Variants in KDM1B observed in about 807,000 individuals in gnomAD.
KDM1B encodes the protein lysine-specific histone demethylase 2.
KDM1B carries 63 observed loss-of-function variants against 107.4 expected under a neutral mutation model. The ratio of observed to expected loss-of-function variants is 0.59; its 90% CI spans 0.48 to 0.72. The LOEUF is 0.72. KDM1B is among the 30% of genes least tolerant of loss of function. The pLI, the probability that KDM1B is intolerant of heterozygous loss-of-function variation, is 0.00. For synonymous variants in KDM1B, 363 were observed against 363.9 expected (o/e 1.00, Z 0.03); for missense variants, 749 against 1,020.8 (o/e 0.73, Z 3.63).
In KDM1B at chr6:18,205,872, G is replaced by A. The variant is rs1788330580; in HGVS notation, c.1659+208G>A. On this transcript the variant is annotated intron_variant, in intron 15 of 21. Transcript: ENST00000650836. The surrounding 1 kb of genome is among the most constrained non-coding windows in gnomAD (Gnocchi z 5.7). ...CCAGGCCTGGTGGCGCATACCTGTA[G>A]TCCCAGCTACTCGGGAGGCTGAGGC... Among the ~76,000 whole-genome samples the A allele has an allele frequency of 6.6e-6, 1 of 152,100 alleles. No individual in the cohort carries two copies. The highest frequency in any genetic ancestry group is 1.5e-5 in the Non-Finnish European group (1 of 68,014).
chr6:18,165,115 T>G (rs1331179509), intron 5 of KDM1B, among the ~76,000 whole-genome samples: 1 of 147,740 alleles, frequency 6.8e-6, no homozygotes, highest in Non-Finnish European at 1.5e-5. Context: ...TTCCCCTTCC[T>G]CTGCCTTCTC....
In KDM1B at chr6:18,159,766, T is replaced by C. The variant is rs1784849699; in HGVS notation, c.-13-117T>C. The stretch of plus-strand genomic sequence containing the variant: ...AAAGAAAAGAAAGAAAACTGTAGCT[T>C]TGTATTTAGGCAATCTGACATACAT... On this transcript the variant is annotated intron_variant, in intron 2 of 21. Transcript: ENST00000650836. The surrounding 1 kb of genome is among the most constrained non-coding windows in gnomAD (Gnocchi z 4.5). The C allele has an allele frequency of 1.6e-6, 1 of 629,654 alleles. No homozygotes were observed. Among genetic ancestry groups the C allele is most frequent in the African/African-American group, 1.9e-5 (1 of 52,364 alleles). 39.0% of individuals were successfully genotyped at this position (629,654 alleles called of 1,614,324 possible).
At position 18,159,473 on chromosome 6, in the gene KDM1B, A is replaced by G. The variant is rs1784835141; in HGVS notation, c.-13-410A>G. 6.6e-6 allele frequency among the ~76,000 whole-genome samples: 1 copy of G among 152,250 alleles called. No homozygotes were observed. The highest frequency in any genetic ancestry group is 1.5e-5 in the Non-Finnish European group (1 of 68,046). The stretch of plus-strand genomic sequence containing the variant: ...GCATAACTACTAATAGGTAATGTTT[A>G]TTGAGTACTTACGATATGCCAGTTT... On this transcript the variant is annotated intron_variant, in intron 2 of 21. Coordinates refer to ENST00000650836, the MANE Select transcript of KDM1B (RefSeq NM_001364614.2). This position sits in a 1 kb window ranked among gnomAD's most constrained non-coding sequence, Gnocchi z 4.5.
rs1399836979 is a variant in KDM1B, at chr6:18,211,537, T to G, written c.1867-951T>G. 1 of 152,242 alleles carries G rather than the reference T, an allele frequency of 6.6e-6. No individual in the cohort carries two copies. Among genetic ancestry groups the G allele is most frequent in the Non-Finnish European group, 1.5e-5 (1 of 68,070 alleles). The allele number at this position is 152,242 out of a possible 1,614,324, so 9.4% of individuals were successfully genotyped here. On this transcript the variant is annotated intron_variant, in intron 17 of 21. Coordinates refer to ENST00000650836, the MANE Select transcript of KDM1B (RefSeq NM_001364614.2). The surrounding 1 kb of genome is among the most constrained non-coding windows in gnomAD (Gnocchi z 5.2). The stretch of plus-strand genomic sequence containing the variant: ...CTTCTGCAGCAGGGTTCGTGAAAGT[T>G]GCAGGGTTTAGTCAGTAACCACAAG...
At chr6:18,174,756 C>T (rs1785884780) in intron 7 of KDM1B, among the ~76,000 whole-genome samples, 1 of 152,174 alleles carries the variant, frequency 6.6e-6, no homozygotes, top group South Asian at 2.1e-4. Context: ...ATAATAGTCT[C>T]CTATCTCATC....
intron 7 of KDM1B, among the ~76,000 whole-genome samples, chr6:18,179,887 A>G (rs150828693): frequency 0.041 from 4,257 of 104,712 alleles, 85 homozygotes; most frequent in Middle Eastern, 0.12. Flanking sequence ...TTCATAAGGC[A>G]GGGTCTCACT....
At position 18,215,057 on chromosome 6, in the gene KDM1B, C is replaced by A; in HGVS notation, c.2160C>A (p.Ser720=). 2 of 1,614,058 alleles carry A rather than the reference C, an allele frequency of 1.2e-6. No individual in the cohort carries two copies. Among genetic ancestry groups the A allele is most frequent in the Non-Finnish European group, 1.7e-6 (2 of 1,179,998 alleles). ...MSVIAGEAVA[S]VRTLDDKQVL... is the part of the protein sequence containing the mutation. ...TGATTGCCGGGGAGGCTGTCGCATC[C>A]GTGAGGACCCTGGATGACAAACAGG... is the stretch of plus-strand genomic sequence containing the variant. Residue 720 remains serine, a synonymous_variant, in exon 20 of 22, where the codon TCC becomes TCA. Transcript: ENST00000650836.
At chr6:18,217,041 T>C (rs1262973671) in intron 20 of KDM1B, among the ~76,000 whole-genome samples, 1 of 152,164 alleles carries the variant, frequency 6.6e-6, no homozygotes, top group Non-Finnish European at 1.5e-5. Context: ...CAACCTGTGA[T>C]CCTGAGACTC....
chr6:18,180,016 A>G (rs1039159486), intron 7 of KDM1B, among the ~76,000 whole-genome samples: 3 of 148,208 alleles, frequency 2.0e-5, no homozygotes, highest in Non-Finnish European at 4.5e-5. Context: ...GGTGTGTGCC[A>G]CTGTGCTTCA....
Position 18,191,908 on chromosome 6 carries a change from C to G in KDM1B, c.969+527C>G, listed in dbSNP as rs1034747615. Among the ~76,000 whole-genome samples the G allele has an allele frequency of 6.6e-6, 1 of 151,866 alleles. No individual in the cohort carries two copies. Among genetic ancestry groups the G allele is most frequent in the Non-Finnish European group, 1.5e-5 (1 of 68,022 alleles). ...CATGTTAGGGCTGTCACACTGTACC[C>G]ACCTTGAAAAAGGTGAAAATAAATT... On this transcript the variant is annotated intron_variant, in intron 10 of 21. Transcript: ENST00000650836. This position sits in a 1 kb window ranked among gnomAD's most constrained non-coding sequence, Gnocchi z 5.1.
At position 18,203,990 on chromosome 6, in the gene KDM1B, G is replaced by T. The variant is rs1038802108; in HGVS notation, c.1532-1547G>T. On this transcript the variant is annotated intron_variant, in intron 14 of 21. Transcript: ENST00000650836. This position sits in a 1 kb window ranked among gnomAD's most constrained non-coding sequence, Gnocchi z 5.5. Reference sequence around the variant, plus strand: ...ACTGCACAGCAGGAAGCGGGGATGGGACTTCTACAAAAGTCACAGAAAGTG... The same window carrying T: ...ACTGCACAGCAGGAAGCGGGGATGGTACTTCTACAAAAGTCACAGAAAGTG... Among the ~76,000 whole-genome samples the T allele has an allele frequency of 2.0e-5, 3 of 152,130 alleles. No individual in the cohort carries two copies. The highest frequency in any genetic ancestry group is 4.4e-5 in the Non-Finnish European group (3 of 68,024).
chr6:18,157,510 G>T (rs971273660), intron 2 of KDM1B, among the ~76,000 whole-genome samples: 2 of 152,076 alleles, frequency 1.3e-5, no homozygotes, highest in African/African-American at 4.8e-5. Flanking sequence ...GTCAAATGTT[G>T]CATGAACCTA....
rs1789099991 is a variant in KDM1B at position 18,214,858 on chromosome 6, C to T, written c.2110-149C>T. The T allele has an allele frequency of 3.1e-6, 2 of 638,090 alleles. No homozygotes were observed. Among genetic ancestry groups the T allele is most frequent in the Non-Finnish European group, 2.5e-6 (1 of 399,806 alleles). The allele number at this position is 638,090 out of a possible 1,614,324, so 39.5% of individuals were successfully genotyped here. A position where few individuals can be genotyped will look rare whatever the true frequency, so the allele number is the denominator to read the frequency against. Reference sequence around the variant, plus strand: ...CTGGGAGGCAGAGGTTGCAGTGAGCCAAGATTGCACCATTGCACTCCAGCC... The same window carrying T: ...CTGGGAGGCAGAGGTTGCAGTGAGCTAAGATTGCACCATTGCACTCCAGCC... On this transcript the variant is annotated intron_variant, in intron 19 of 21. Coordinates refer to ENST00000650836, the MANE Select transcript of KDM1B (RefSeq NM_001364614.2). The surrounding 1 kb of genome is among the most constrained non-coding windows in gnomAD (Gnocchi z 4.4).
At position 18,187,952 on chromosome 6, in the gene KDM1B, A is replaced by G. The variant is rs1354633837; in HGVS notation, c.734A>G (p.Asn245Ser). 6.4e-6 allele frequency: 10 copies of G among 1,550,422 alleles called. No homozygotes were observed. In the Admixed American group the frequency reaches 1.6e-4, roughly 24 times the overall value. ...ACAAACCGCGCCGCTGCCACTGGCA[A>G]TGCCAGCCCTGGGAAGCTGGAGCAC... ...TSTNRAAATG[N>S]ASPGKLEHSK... is the part of the protein sequence containing the mutation. The change falls in exon 9 of 22, where the codon AAT (asparagine) becomes AGT (serine). Residue 245 changes from asparagine to serine, a missense_variant. Asn to Ser is a conservative substitution (Grantham distance 46). Transcript: ENST00000650836.
At chr6:18,220,890 G>C (rs1022853647) in intron 21 of KDM1B, among the ~76,000 whole-genome samples, 12 of 151,700 alleles carry the variant, frequency 7.9e-5, no homozygotes, top group Admixed American at 3.3e-4. Context: ...TGTTTCAGCT[G>C]GTGTGTGCCA....
rs779152889 is a variant in KDM1B at position 18,214,960 on chromosome 6, G to C, written c.2110-47G>C. ...CAAAAAAAAGAGGCCCTTATCTGTGGGAGCTGAGCACTCACAGACCTCCTG... is the reference window on the plus strand; with the variant it reads ...CAAAAAAAAGAGGCCCTTATCTGTGCGAGCTGAGCACTCACAGACCTCCTG... On this transcript the variant is annotated intron_variant, in intron 19 of 21. Coordinates refer to ENST00000650836, the MANE Select transcript of KDM1B (RefSeq NM_001364614.2). This position sits in a 1 kb window ranked among gnomAD's most constrained non-coding sequence, Gnocchi z 4.4. 2 of 1,584,512 alleles carry C rather than the reference G, an allele frequency of 1.3e-6. No individual in the cohort carries two copies. The highest frequency in any genetic ancestry group is 3.7e-5 in the Admixed American group (2 of 53,428).
intron 16 of KDM1B, 122 bp downstream of exon 16, chr6:18,207,651 CT>C (rs1788479109): frequency 2.6e-6 from 3 of 1,156,430 alleles, no homozygotes; most frequent in Non-Finnish European, 3.7e-6. Flanking sequence ...TCTAGAAGTA[CT>C]TTTGTGGCTC....
intron 10 of KDM1B, among the ~76,000 whole-genome samples, chr6:18,192,730 T>C: frequency 7.4e-6 from 1 of 135,896 alleles, no homozygotes; most frequent in Non-Finnish European, 1.5e-5. Flanking sequence ...GATAGTGAGA[T>C]CCCGTCTCAA....
intron 7 of KDM1B, among the ~76,000 whole-genome samples, chr6:18,176,166 A>G (rs1785992251): frequency 6.6e-6 from 1 of 152,088 alleles, no homozygotes; most frequent in South Asian, 2.1e-4. Context: ...AGAGGTCTTT[A>G]GACTCCTTGG....
Sources: gnomAD v4.1 joint callset for allele counts (sites outside exome capture counted in the v4.1 genomes callset) on GRCh38, gnomAD v4.1.1 for gene constraint, Gnocchi (gnomAD v3.1) non-coding constraint, MANE v1.5 for transcripts, NCBI Gene and HGNC (gene_info 2026-07-23, HGNC 2026-07-21) for gene names.